Variants in SMIM29 observed in about 807,000 individuals in gnomAD.
SMIM29 encodes the protein small integral membrane protein 29, also known as uncharacterized protein C6orf1.
Under a neutral mutation model 12.9 loss-of-function variants are expected in SMIM29, and 4 were observed. The observed-to-expected ratio is 0.31, with a 90% CI of 0.15 to 0.71. SMIM29 has a LOEUF of 0.71. SMIM29 is among the 30% of genes least tolerant of loss of function. SMIM29 has a pLI of 0.70. For missense variants in SMIM29, 122 were observed against 138.1 expected (o/e 0.88, Z 0.58); for synonymous variants, 50 against 52.0 (o/e 0.96, Z 0.17).
rs764770220 is a variant in SMIM29, at chr6:34,247,030, C to T, written c.243+14G>A. On this transcript the variant is annotated intron_variant, in intron 4 of 4. Transcript: ENST00000476320. ...CACCTTGCCTCATTCTCCCCCTGGC[C>T]CCCAAGTGCTCACCTTGGGGTCTCC... 2.6e-5 allele frequency: 42 copies of T among 1,614,044 alleles called. No individual in the cohort carries two copies. In the East Asian group the frequency reaches 8.7e-4, roughly 33 times the overall value.
intron 1 of SMIM29, chr6:34,248,165 AT>A: frequency 1.0e-6 from 1 of 985,438 alleles, no homozygotes; most frequent in South Asian, 4.7e-5. Context: ...CTGGGGAAAG[AT>A]TAAGTGCAGG....
intron 1 of SMIM29, chr6:34,248,389 C>T (rs1762890705): frequency 1.0e-6 from 1 of 985,322 alleles, no homozygotes; most frequent in African/African-American, 1.7e-5. Flanking sequence ...CTGGTGTCAC[C>T]TCAGACATAC....
In SMIM29 at chr6:34,247,373, G is replaced by A. The variant is rs939225749; in HGVS notation, c.137+94C>T. On this transcript the variant is annotated intron_variant, in intron 3 of 4. Coordinates refer to ENST00000476320, the MANE Select transcript of SMIM29 (RefSeq NM_001008703.4). ...ACAAATTTCAGGCTTGTATCAGGAT[G>A]GCTGAGGGACATCTTACAGAAAAGT... 4.6e-6 allele frequency: 7 copies of A among 1,519,412 alleles called. No individual in the cohort carries two copies. In the African/African-American group the frequency reaches 9.7e-5, roughly 21 times the overall value. The allele number at this position is 1,519,412 out of a possible 1,614,324, so 94.1% of individuals were successfully genotyped here.
intron 3 of SMIM29, 45 bp from the exon 4 acceptor site, chr6:34,247,194 C>G (rs1435162279): frequency 1.3e-6 from 2 of 1,590,074 alleles, no homozygotes; most frequent in Non-Finnish European, 1.7e-6. Flanking sequence ...CCCCCCAACC[C>G]TCATCAAACA....
Sources: allele counts gnomAD v4.1 joint callset, GRCh38; gene constraint gnomAD v4.1.1; transcripts MANE v1.5; gene names NCBI Gene and HGNC (gene_info 2026-07-23, HGNC 2026-07-21).